Variants in EFHC2 observed in about 807,000 individuals in gnomAD.
EFHC2 encodes the protein EF-hand domain-containing family member C2.
Under a neutral mutation model 52.7 loss-of-function variants are expected in EFHC2, and 18 were observed. That is an observed-to-expected ratio of 0.34 (90% CI 0.24 to 0.51). EFHC2 has a LOEUF of 0.51. Ranked by LOEUF, EFHC2 falls within the 20% of genes least tolerant of loss-of-function variation. The probability of loss-of-function intolerance (pLI) is 0.97; values close to 1 mark genes in which losing one functional copy is unlikely to be tolerated. For synonymous variants in EFHC2, 203 were observed against 204.1 expected (o/e 0.99, Z 0.04); for missense variants, 513 against 562.5 (o/e 0.91, Z 0.89).
chrX:44,303,037 C>T (rs1167546224), intron 2 of EFHC2, among the ~76,000 whole-genome samples: 1 of 111,351 alleles, frequency 9.0e-6, no homozygotes, highest in Non-Finnish European at 1.9e-5. Flanking sequence ...GTTAATCCTA[C>T]CGCAGGAAAA....
chrX:44,158,686 G>A (rs747703639), intron 14 of EFHC2, among the ~76,000 whole-genome samples: 2 of 110,490 alleles, frequency 1.8e-5, no homozygotes, highest in Non-Finnish European at 3.8e-5. Flanking sequence ...TTGCACCCCC[G>A]GGACCTACAC....
rs957445285 is a variant in EFHC2 at position 44,203,514 on chromosome X, C to CA, written c.1752-24951dup. On this transcript the variant is annotated intron_variant, in intron 11 of 14. Transcript: ENST00000420999. ...ACAGGTCGTGAGCCCTTGAGAGTGA[C>CA]ATGATAAGAAAATAGATGGATTCCT... Among the ~76,000 whole-genome samples the CA allele has an allele frequency of 1.3e-4, 15 of 111,193 alleles. No individual in the cohort carries two copies. In the East Asian group the frequency reaches 4.0e-3, roughly 30 times the overall value.
Position 44,197,224 on chromosome X carries a change from CCT to C in EFHC2, c.1752-18662_1752-18661del, listed in dbSNP as rs764531640. Among the ~76,000 whole-genome samples, 3 of 111,648 alleles carry C rather than the reference CCT, an allele frequency of 2.7e-5. No homozygotes were observed. The South Asian group carries it at 1.1e-3, about 41-fold the overall frequency. ...AAGGTCAAAATAAGTCTAGGAATGC[CCT>C]GTCAATATGATCCTATTAAGTGAGT... On this transcript the variant is annotated intron_variant, in intron 11 of 14. Transcript: ENST00000420999.
intron 4 of EFHC2, among the ~76,000 whole-genome samples, chrX:44,258,758 G>A (rs1007164138): frequency 4.5e-5 from 5 of 109,914 alleles, no homozygotes; most frequent in Non-Finnish European, 9.5e-5. Context: ...TCAGGAGGCT[G>A]AGGCACAGAA....
chrX:44,148,975 G>T, intron 14 of EFHC2, 79 bp from the exon 15 acceptor site: 1 of 879,921 alleles, frequency 1.1e-6, no homozygotes. Flanking sequence ...CAGTTTATTT[G>T]CAAAGTGAAA....
At position 44,186,011 on chromosome X, in the gene EFHC2, G is replaced by A. The variant is rs73628315; in HGVS notation, c.1752-7447C>T. The stretch of plus-strand genomic sequence containing the variant: ...ATATAAGCAGCTTCATGTTTTCTCT[G>A]TATTACTGTTGTATGTAATCTTCAT... On this transcript the variant is annotated intron_variant, in intron 11 of 14. Transcript: ENST00000420999. Among the ~76,000 whole-genome samples the A allele has an allele frequency of 7.2e-3, 798 of 111,562 alleles. 9 individuals are homozygous for A. Among genetic ancestry groups the A allele is most frequent in the African/African-American group, 0.025 (781 of 30,667 alleles).
intron 11 of EFHC2, among the ~76,000 whole-genome samples, chrX:44,223,193 T>C (rs2037207138): frequency 8.9e-6 from 1 of 112,403 alleles, no homozygotes; most frequent in Non-Finnish European, 1.9e-5. Context: ...CTTAAGACTG[T>C]GCCTCAGAAG....
chrX:44,189,362 A>G (rs1447347139), intron 11 of EFHC2, among the ~76,000 whole-genome samples: 1 of 112,046 alleles, frequency 8.9e-6, no homozygotes, highest in East Asian at 2.8e-4. Flanking sequence ...CCAAGGGCAC[A>G]GTACTATTAA....
intron 11 of EFHC2, among the ~76,000 whole-genome samples, chrX:44,223,531 G>C (rs1395571149): frequency 9.1e-6 from 1 of 109,896 alleles, no homozygotes; most frequent in Non-Finnish European, 1.9e-5. Context: ...ACTAGCCAGA[G>C]AGGATATTCC....
Position 44,278,295 on chromosome X carries a change from A to G in EFHC2, c.232-5459T>C, listed in dbSNP as rs182291930. Among the ~76,000 whole-genome samples the G allele has an allele frequency of 9.5e-4, 107 of 112,187 alleles. 1 individual carries two copies. The East Asian group carries it at 0.026, about 27-fold the overall frequency. On this transcript the variant is annotated intron_variant, in intron 2 of 14. Transcript: ENST00000420999. ...GAGGCTGAGGCAGGAGAATCACTTG[A>G]GCCTGGGAGGTGGAGGTTGCAGTGA...
intron 11 of EFHC2, among the ~76,000 whole-genome samples, chrX:44,194,553 T>C (rs2056669725): frequency 8.9e-6 from 1 of 112,271 alleles, no homozygotes; most frequent in African/African-American, 3.2e-5. Flanking sequence ...TTCAAAGTAA[T>C]GGAAGAAATC....
intron 7 of EFHC2, among the ~76,000 whole-genome samples, chrX:44,244,219 AAAGCTGAG>A (rs753788401): frequency 8.9e-6 from 1 of 111,888 alleles, no homozygotes; most frequent in South Asian, 3.7e-4. Flanking sequence ...CTAGTGTATA[AAAGCTGAG>A]AACTTTTCCA....
chrX:44,331,014 G>A (rs1032913783), intron 1 of EFHC2, among the ~76,000 whole-genome samples: 4 of 112,070 alleles, frequency 3.6e-5, no homozygotes, highest in South Asian at 3.7e-4. Context: ...CAAATAACAC[G>A]CAATTACACT....
intron 11 of EFHC2, among the ~76,000 whole-genome samples, chrX:44,213,542 C>T (rs2037118065): frequency 8.9e-6 from 1 of 111,813 alleles, no homozygotes; most frequent in African/African-American, 3.3e-5. Context: ...AGGGCGAGGG[C>T]TTCTAGGTTA....
At chrX:44,321,263 C>T (rs2038018585) in intron 1 of EFHC2, among the ~76,000 whole-genome samples, 1 of 111,166 alleles carries the variant, frequency 9.0e-6, no homozygotes, top group Non-Finnish European at 1.9e-5. Flanking sequence ...TGGGAGAGAA[C>T]TTAAATGAGA....
chrX:44,276,299 G>T (rs974731014), intron 2 of EFHC2, among the ~76,000 whole-genome samples: 2 of 111,292 alleles, frequency 1.8e-5, no homozygotes, highest in Non-Finnish European at 3.8e-5. Context: ...ATGGTGGTGC[G>T]TGCCTCATAG....
intron 4 of EFHC2, among the ~76,000 whole-genome samples, chrX:44,258,877 A>C (rs1336532121): frequency 1.8e-5 from 2 of 110,200 alleles, no homozygotes; most frequent in Non-Finnish European, 3.8e-5. Flanking sequence ...AAGAATGGCA[A>C]TCATTAAAAA....
intron 2 of EFHC2, among the ~76,000 whole-genome samples, chrX:44,292,238 A>G (rs1187238602): frequency 9.0e-6 from 1 of 111,191 alleles, no homozygotes; most frequent in Non-Finnish European, 1.9e-5. Context: ...ACACATATGT[A>G]TGTACATATG....
intron 2 of EFHC2, among the ~76,000 whole-genome samples, chrX:44,278,809 C>T (rs185763063): frequency 8.9e-6 from 1 of 112,298 alleles, no homozygotes; most frequent in African/African-American, 3.2e-5. Context: ...TTCTACATGA[C>T]TGTCCATAAA....
Sources: gnomAD v4.1 joint callset for allele counts (sites outside exome capture counted in the v4.1 genomes callset) on GRCh38, gnomAD v4.1.1 for gene constraint, MANE v1.5 for transcripts, NCBI Gene and HGNC (gene_info 2026-07-23, HGNC 2026-07-21) for gene names.